PRDM16: variants seen among roughly 807,000 people sequenced by gnomAD.
PRDM16 encodes the protein histone-lysine N-methyltransferase PRDM16.
In PRDM16, 23 loss-of-function variants were observed where a neutral mutation model predicts 110.6. The ratio of observed to expected loss-of-function variants is 0.21; its 90% CI spans 0.15 to 0.29. The LOEUF is 0.29. PRDM16 is among the 10% of genes least tolerant of loss of function. The pLI, the probability that PRDM16 is intolerant of heterozygous loss-of-function variation, is 1.00. For synonymous variants in PRDM16, 799 were observed against 781.8 expected, an observed-to-expected ratio of 1.02 and a Z score of -0.37; for missense variants, 1,615 against 1,794.3, an observed-to-expected ratio of 0.90 and a Z score of 1.81.
chr1:3,327,818 C>T (rs1274194750), intron 3 of PRDM16, among the ~76,000 whole-genome samples: 1 of 152,186 alleles, frequency 6.6e-6, no homozygotes, highest in Admixed American at 6.5e-5. Context: ...GGAGGCCCCT[C>T]GCCTGCCCCC....
intron 1 of PRDM16, among the ~76,000 whole-genome samples, chr1:3,160,208 C>A (rs1028784695): frequency 6.6e-6 from 1 of 152,196 alleles, no homozygotes; most frequent in African/African-American, 2.4e-5. Flanking sequence ...CCCGGTGAGG[C>A]CGCGGTTCCT....
intron 2 of PRDM16, among the ~76,000 whole-genome samples, chr1:3,230,795 C>T (rs1639390608): frequency 1.3e-5 from 2 of 152,236 alleles, no homozygotes; most frequent in African/African-American, 4.8e-5. Context: ...CTGCCCGGTG[C>T]GACCGCACTG....
chr1:3,112,127 C>T (rs933022369), intron 1 of PRDM16, among the ~76,000 whole-genome samples: 1 of 152,176 alleles, frequency 6.6e-6, no homozygotes. Flanking sequence ...TCCTTTCCCC[C>T]CCTTATTTTT....
chr1:3,412,612 G>C lies in PRDM16; in HGVS notation c.2415G>C (p.Leu805=), dbSNP rs1319484345. The C allele has an allele frequency of 2.5e-6, 4 of 1,592,410 alleles. No homozygotes were observed. The African/African-American group carries it at 4.0e-5, about 16-fold the overall frequency. The change falls in exon 9 of 17, where the codon CTG becomes CTC. Residue 805 remains leucine (L), a synonymous_variant. Coordinates refer to ENST00000270722, the MANE Select transcript of PRDM16 (RefSeq NM_022114.4). ...CCGGCGAGGAGCAGCCGCTGGACCT[G>C]AGCATCGGCAGCCGGGCCCGTGCCA... ...PASGEEQPLD[L]SIGSRARASQ...
chr1:3,293,858 C>T (rs1459056912), intron 3 of PRDM16, among the ~76,000 whole-genome samples: 1 of 152,224 alleles, frequency 6.6e-6, no homozygotes. Flanking sequence ...GATGGCGTGG[C>T]CCGGCCCCGG....
At chr1:3,219,649 G>A (rs1245258384) in intron 2 of PRDM16, among the ~76,000 whole-genome samples, 1 of 152,200 alleles carries the variant, frequency 6.6e-6, no homozygotes, top group African/African-American at 2.4e-5. Flanking sequence ...CTCTGCACTC[G>A]GGAGATTCTG....
At chr1:3,145,908 C>T (rs979936888) in intron 1 of PRDM16, among the ~76,000 whole-genome samples, 1 of 152,234 alleles carries the variant, frequency 6.6e-6, no homozygotes, top group Non-Finnish European at 1.5e-5. Context: ...CGGGGTCAGG[C>T]TGACGTCCTG....
chr1:3,297,456 G>A (rs1419827662), intron 3 of PRDM16, among the ~76,000 whole-genome samples: 2 of 151,982 alleles, frequency 1.3e-5, no homozygotes, highest in Non-Finnish European at 2.9e-5. Flanking sequence ...GCTAATTTTT[G>A]TATCTTTAGT....
At chr1:3,363,862 G>A (rs561552800) in intron 3 of PRDM16, among the ~76,000 whole-genome samples, 6 of 152,114 alleles carry the variant, frequency 3.9e-5, no homozygotes, top group Admixed American at 1.3e-4. Context: ...ACACGGGCCC[G>A]CTGCAGCTCC....
At chr1:3,334,342 T>C (rs751921967) in intron 3 of PRDM16, among the ~76,000 whole-genome samples, 49 of 151,852 alleles carry the variant, frequency 3.2e-4, no homozygotes, top group South Asian at 8.3e-4. Flanking sequence ...GGGACTTCCA[T>C]CAGGAAGGGC....
chr1:3,070,530 G>A (rs1335704592), intron 1 of PRDM16, among the ~76,000 whole-genome samples: 1 of 149,786 alleles, frequency 6.7e-6, no homozygotes, highest in African/African-American at 2.4e-5. Flanking sequence ...CCCCTCCTCT[G>A]CAGGCCGCCC....
chr1:3,376,901 C>T (rs2100588709), intron 3 of PRDM16, among the ~76,000 whole-genome samples: 1 of 152,314 alleles, frequency 6.6e-6, no homozygotes, highest in Non-Finnish European at 1.5e-5. Flanking sequence ...GGTCCCATCA[C>T]CACCCAGCCC....
At chr1:3,211,659 G>T (rs1161278289) in intron 2 of PRDM16, among the ~76,000 whole-genome samples, 1 of 152,200 alleles carries the variant, frequency 6.6e-6, no homozygotes, top group Non-Finnish European at 1.5e-5. Flanking sequence ...GGCCGGCGCT[G>T]GTGGTCAGTG....
At chr1:3,365,860 G>T (rs935876719) in intron 3 of PRDM16, among the ~76,000 whole-genome samples, 1 of 152,214 alleles carries the variant, frequency 6.6e-6, no homozygotes, top group African/African-American at 2.4e-5. Flanking sequence ...GACTTTGAAG[G>T]CTGTCAGCTG....
chr1:3,409,551 C>T (rs1329623935), intron 8 of PRDM16, among the ~76,000 whole-genome samples: 1 of 152,172 alleles, frequency 6.6e-6, no homozygotes, highest in Non-Finnish European at 1.5e-5. Context: ...AGGCAGCCGA[C>T]GATTTCTGGT....
intron 9 of PRDM16, 75 bp downstream of exon 9, chr1:3,412,875 T>C: frequency 8.1e-7 from 1 of 1,228,466 alleles, no homozygotes; most frequent in Non-Finnish European, 1.1e-6. Flanking sequence ...CAGTGCATGG[T>C]GGTGTCTCTT....
At chr1:3,414,753 A>G (rs1045765782) in intron 10 of PRDM16, 106 bp downstream of exon 10, 19 of 821,324 alleles carry the variant, frequency 2.3e-5, no homozygotes, top group Non-Finnish European at 3.6e-5. Context: ...GTCCCCGTCC[A>G]GGCCATACCA....
intron 3 of PRDM16, among the ~76,000 whole-genome samples, chr1:3,342,526 G>A (rs1642291341): frequency 6.6e-6 from 1 of 152,226 alleles, no homozygotes; most frequent in African/African-American, 2.4e-5. Flanking sequence ...TGTATGATGT[G>A]TGATATATAC....
In PRDM16 at chr1:3,186,144, T is replaced by C. The variant is rs1340436587; in HGVS notation, c.57T>C (p.Asn19=). 6.2e-7 allele frequency: 1 copy of C among 1,612,588 alleles called. No homozygotes were observed. The highest frequency in any genetic ancestry group is 1.1e-5 in the South Asian group (1 of 91,068). Residue 19 remains asparagine, a synonymous_variant, in exon 2 of 17, where the codon AAT becomes AAC. Coordinates refer to ENST00000270722, the MANE Select transcript of PRDM16 (RefSeq NM_022114.4). Reference sequence around the variant, plus strand: ...CTTTAGGTGACGGTGACGTTGTAAATAATATGTATGAGCCCAACCGGGACC... The same window carrying C: ...CTTTAGGTGACGGTGACGTTGTAAACAATATGTATGAGCCCAACCGGGACC... ...KLAKSDGDVV[N]NMYEPNRDLL...
Sources: allele counts gnomAD v4.1 joint callset (sites outside exome capture counted in the v4.1 genomes callset), GRCh38; gene constraint gnomAD v4.1.1; transcripts MANE v1.5; gene names NCBI Gene and HGNC (gene_info 2026-07-23, HGNC 2026-07-21).